DNAH9: variants seen among roughly 807,000 people sequenced by gnomAD.
DNAH9 encodes the protein dynein axonemal heavy chain 9.
DNAH9 carries 345 observed loss-of-function variants against 471.6 expected under a neutral mutation model. That is an observed-to-expected ratio of 0.73 (90% CI 0.67 to 0.80). The LOEUF is 0.80. DNAH9 is among the 30% of genes least tolerant of loss of function. DNAH9 has a pLI of 0.00. For missense variants in DNAH9, 5,407 were observed against 5,609.2 expected (o/e 0.96, Z 1.15); for synonymous variants, 2,093 against 2,123.6 (o/e 0.99, Z 0.40).
rs553220851 is a variant in DNAH9 at position 11,665,549 on chromosome 17, AAGGC to A, written c.2731+582_2731+585del. Among the ~76,000 whole-genome samples the A allele has an allele frequency of 1.2e-3, 184 of 152,344 alleles. 1 individual carries two copies. Among genetic ancestry groups the A allele is most frequent in the South Asian group, 2.3e-3 (11 of 4,826 alleles). On this transcript the variant is annotated intron_variant, in intron 15 of 68. Coordinates refer to ENST00000262442, the MANE Select transcript of DNAH9 (RefSeq NM_001372.4). ...CTTTGAAGCTTTTAAAAAACAATTAAAGGCTTTGAATTTATAGTGGATAAACTGG... is the reference window on the plus strand; with the variant it reads ...CTTTGAAGCTTTTAAAAAACAATTAATTTGAATTTATAGTGGATAAACTGG...
intron 17 of DNAH9, among the ~76,000 whole-genome samples, chr17:11,672,859 G>A (rs2073993412): frequency 6.6e-6 from 1 of 152,094 alleles, no homozygotes; most frequent in South Asian, 2.1e-4. Context: ...TCCACTCCCT[G>A]GCCTCCACCT....
At chr17:11,743,411 C>T (rs959310518) in intron 30 of DNAH9, among the ~76,000 whole-genome samples, 5 of 152,054 alleles carry the variant, frequency 3.3e-5, no homozygotes, top group Non-Finnish European at 7.4e-5. Context: ...CTAGTTTTTC[C>T]ACCTCTCTTC....
In DNAH9 at chr17:11,783,868, A is replaced by G. The variant is rs1017007624; in HGVS notation, c.7821+120A>G. ...GCAGCCTCTCAGAATGGTAAATCAG[A>G]TAGAATGCCAAATTGCATCTCTAGG... On this transcript the variant is annotated intron_variant, in intron 40 of 68. Transcript: ENST00000262442. The G allele has an allele frequency of 1.1e-5, 8 of 757,256 alleles. No individual in the cohort carries two copies. In the African/African-American group the frequency reaches 1.2e-4, roughly 12 times the overall value. The allele number at this position is 757,256 out of a possible 1,614,324, so 46.9% of individuals were successfully genotyped here.
intron 17 of DNAH9, among the ~76,000 whole-genome samples, chr17:11,679,238 C>G (rs1382373669): frequency 1.3e-5 from 2 of 152,228 alleles, no homozygotes; most frequent in Non-Finnish European, 2.9e-5. Context: ...AAATTATGAG[C>G]TTCTTTCTCC....
Position 11,652,970 on chromosome 17 carries a change from G to C in DNAH9, c.2563G>C (p.Glu855Gln). 1 of 1,614,028 alleles carries C rather than the reference G, an allele frequency of 6.2e-7. No individual in the cohort carries two copies. Among genetic ancestry groups the C allele is most frequent in the East Asian group, 2.2e-5 (1 of 44,882 alleles). Residue 855 changes from glutamate to glutamine, a missense_variant, in exon 14 of 69, where the codon GAA becomes CAA. This residue lies in a region of DNAH9 where 4,636 missense variants were observed against 4,900.3 expected (regional missense o/e 0.95). Transcript: ENST00000262442. ...GGAAAAATATTACAATCTCATCAAG[G>C]AATCTGGCCTTAAGATCCACGCCCT... The part of the protein sequence containing the change: ...RMEKYYNLIK[E>Q]SGLKIHALVQ...
intron 49 of DNAH9, among the ~76,000 whole-genome samples, chr17:11,843,863 G>GTATATATATATATATATA (rs61067153): frequency 1.1e-3 from 50 of 46,446 alleles, no homozygotes; most frequent in African/African-American, 3.5e-3. Flanking sequence ...GTGTGTGTGT[G>GTATATATATATATATATA]TATATATATA....
intron 68 of DNAH9, among the ~76,000 whole-genome samples, chr17:11,968,017 A>G (rs960269448): frequency 2.0e-5 from 3 of 152,220 alleles, no homozygotes; most frequent in African/African-American, 7.2e-5. Flanking sequence ...AAACAATTCA[A>G]CCATAATAAT....
chr17:11,846,432 A>G (rs906143194), intron 49 of DNAH9, among the ~76,000 whole-genome samples: 89 of 151,840 alleles, frequency 5.9e-4, no homozygotes, highest in Non-Finnish European at 1.1e-3. Flanking sequence ...GAAGTCAGGT[A>G]GCGTGATGCC....
chr17:11,886,886 C>T lies in DNAH9; in HGVS notation c.11033C>T (p.Ala3678Val), dbSNP rs760050053. 2 of 1,612,986 alleles carry T rather than the reference C, an allele frequency of 1.2e-6. No individual in the cohort carries two copies. Among genetic ancestry groups the T allele is most frequent in the Non-Finnish European group, 1.7e-6 (2 of 1,179,506 alleles). Residue 3678 changes from alanine (A) to valine (V), a missense_variant, in exon 57 of 69, where the codon GCA (alanine) becomes GTA (valine). By Grantham distance (64) the Ala-to-Val change is moderately conservative. This residue lies in a region of DNAH9 where 4,636 missense variants were observed against 4,900.3 expected (regional missense o/e 0.95). Transcript: ENST00000262442. The part of the protein sequence containing the change: ...INEAREHYRP[A>V]AARASLLYFI... ...GAGGCCCGAGAGCACTACCGGCCAGCAGCTGCCAGGGCCTCACTGCTCTAC... is the reference window on the plus strand; with the variant it reads ...GAGGCCCGAGAGCACTACCGGCCAGTAGCTGCCAGGGCCTCACTGCTCTAC...
chr17:11,791,764 G>T (rs1023059430), intron 41 of DNAH9, among the ~76,000 whole-genome samples: 2 of 152,092 alleles, frequency 1.3e-5, no homozygotes, highest in African/African-American at 4.8e-5. Flanking sequence ...CTATAATCGA[G>T]ACGTATACAT....
rs553609105 is a variant in DNAH9 at position 11,787,028 on chromosome 17, G to C, written c.8061+2489G>C. On this transcript the variant is annotated intron_variant, in intron 41 of 68. Transcript: ENST00000262442. ...GTTTCAGGCTCATAGCTTGACCACA[G>C]TCTCCTCCTACCTGCTGTGAAAAGA... Among the ~76,000 whole-genome samples the C allele has an allele frequency of 2.0e-5, 3 of 152,328 alleles. No individual in the cohort carries two copies. In the East Asian group the frequency reaches 5.8e-4, roughly 29 times the overall value.
At chr17:11,740,972 A>C (rs1375561369) in intron 29 of DNAH9, among the ~76,000 whole-genome samples, 1 of 53,878 alleles carries the variant, frequency 1.9e-5, no homozygotes, top group African/African-American at 5.0e-5. Flanking sequence ...TACTTTCATT[A>C]ACTAATGTTT....
intron 55 of DNAH9, chr17:11,882,848 C>A: frequency 1.3e-6 from 1 of 773,992 alleles, no homozygotes; most frequent in Non-Finnish European, 1.6e-6. Context: ...GGGCATAGAG[C>A]ATTCCCAGCA....
chr17:11,687,955 G>C (rs1462503840), intron 19 of DNAH9, among the ~76,000 whole-genome samples: 1 of 151,632 alleles, frequency 6.6e-6, no homozygotes, highest in Non-Finnish European at 1.5e-5. Flanking sequence ...CCAACATAGT[G>C]AAACCCTGTA....
At chr17:11,874,858 G>A (rs536198743) in intron 52 of DNAH9, 91 bp from the exon 53 acceptor site, 28 of 885,130 alleles carry the variant, frequency 3.2e-5, no homozygotes, top group Non-Finnish European at 4.8e-5. Flanking sequence ...GCTTTTAAAG[G>A]AGTTGTGTCA....
intron 20 of DNAH9, among the ~76,000 whole-genome samples, chr17:11,693,009 G>A (rs947306383): frequency 8.0e-5 from 12 of 149,424 alleles, no homozygotes; most frequent in Non-Finnish European, 1.6e-4. Context: ...GGTTTCGAGC[G>A]ATTCTCCTGC....
At chr17:11,642,811 G>A (rs776892680) in intron 10 of DNAH9, among the ~76,000 whole-genome samples, 16 of 152,170 alleles carry the variant, frequency 1.1e-4, no homozygotes, top group East Asian at 1.9e-4. Flanking sequence ...AAGGGAAAGC[G>A]CCCATTCGGG....
chr17:11,657,983 C>T (rs556099613), intron 14 of DNAH9, among the ~76,000 whole-genome samples: 1 of 152,048 alleles, frequency 6.6e-6, no homozygotes, highest in East Asian at 1.9e-4. Flanking sequence ...TTTTCAAGGT[C>T]ATTTTGACTA....
At chr17:11,786,003 G>T (rs185348382) in intron 41 of DNAH9, among the ~76,000 whole-genome samples, 1 of 152,124 alleles carries the variant, frequency 6.6e-6, no homozygotes. Flanking sequence ...CATTGAGAAA[G>T]ACTTTTTCAC....
Sources: allele counts gnomAD v4.1 joint callset (sites outside exome capture counted in the v4.1 genomes callset), GRCh38; gene constraint gnomAD v4.1.1; regional missense constraint gnomAD v4.1.1; transcripts MANE v1.5; gene names NCBI Gene and HGNC (gene_info 2026-07-23, HGNC 2026-07-21).